POT1: variants seen among roughly 807,000 people sequenced by gnomAD.
POT1 encodes the protein protection of telomeres protein 1.
POT1 carries 47 observed loss-of-function variants against 78.5 expected under a neutral mutation model. That is an observed-to-expected ratio of 0.60 (90% confidence interval 0.47 to 0.76). The LOEUF (loss-of-function observed/expected upper bound fraction) is 0.76. POT1 is among the 30% of genes least tolerant of loss of function. The pLI is 0.00. For missense variants in POT1, 646 were observed against 749.9 expected (o/e 0.86, Z 1.62); for synonymous variants, 259 against 260.7 (o/e 0.99, Z 0.06).
At chr7:124,877,637 C>T (rs1255750319) in intron 6 of POT1, among the ~76,000 whole-genome samples, 1 of 151,650 alleles carries the variant, frequency 6.6e-6, no homozygotes, top group Non-Finnish European at 1.5e-5. Flanking sequence ...TCGAGACCAT[C>T]CTGGCTAACA....
chr7:124,825,374 G>T lies in POT1; in HGVS notation c.1687-17C>A. The stretch of plus-strand genomic sequence containing the variant: ...GAATTTGTCCTTAAAAATGTTTCAT[G>T]AGAGAAAAAAAAAGGAAATAATATT... On this transcript the variant is annotated splice_polypyrimidine_tract_variant and intron_variant, in intron 17 of 18. Coordinates refer to ENST00000357628, the MANE Select transcript of POT1 (RefSeq NM_015450.3). The T allele has an allele frequency of 6.7e-7, 1 of 1,486,514 alleles. No individual in the cohort carries two copies. Among genetic ancestry groups the T allele is most frequent in the Non-Finnish European group, 9.2e-7 (1 of 1,084,066 alleles). The allele number at this position is 1,486,514 out of a possible 1,614,324, so 92.1% of individuals were successfully genotyped here. A position where few individuals can be genotyped will look rare whatever the true frequency, so the allele number is the denominator to read the frequency against.
intron 8 of POT1, among the ~76,000 whole-genome samples, chr7:124,861,470 G>C (rs1202721433): frequency 6.6e-6 from 1 of 152,114 alleles, no homozygotes; most frequent in East Asian, 1.9e-4. Flanking sequence ...TTGTAAATTA[G>C]TTTAAGTTTC....
chr7:124,892,467 G>GT, intron 5 of POT1, 87 bp from the exon 6 acceptor site: 1 of 668,608 alleles, frequency 1.5e-6, no homozygotes, highest in Non-Finnish European at 2.3e-6. Context: ...GCAAATCCAT[G>GT]TAACTATTTT....
intron 6 of POT1, 61 bp downstream of exon 6, chr7:124,892,205 C>T (rs767993735): frequency 7.8e-6 from 8 of 1,029,918 alleles, no homozygotes; most frequent in East Asian, 2.8e-5. Flanking sequence ...CAGATGGAAC[C>T]GTGTTCCTAA....
At chr7:124,881,448 G>A (rs1385088460) in intron 6 of POT1, among the ~76,000 whole-genome samples, 2 of 151,650 alleles carry the variant, frequency 1.3e-5, no homozygotes, top group African/African-American at 4.8e-5. Flanking sequence ...GAGAACAAGT[G>A]GCATTTAAAA....
At chr7:124,887,419 T>G (rs1489451855) in intron 6 of POT1, among the ~76,000 whole-genome samples, 1 of 150,810 alleles carries the variant, frequency 6.6e-6, no homozygotes, top group African/African-American at 2.5e-5. Flanking sequence ...ACAGACTAGT[T>G]TTTTTTACAT....
chr7:124,926,827 G>T (rs1198759981), intron 2 of POT1, among the ~76,000 whole-genome samples: 1 of 152,044 alleles, frequency 6.6e-6, no homozygotes, highest in Non-Finnish European at 1.5e-5. Context: ...CTGAGACACA[G>T]AAAGAGAAAT....
At chr7:124,888,613 A>G (rs1431435080) in intron 6 of POT1, among the ~76,000 whole-genome samples, 3 of 152,030 alleles carry the variant, frequency 2.0e-5, no homozygotes, top group African/African-American at 7.2e-5. Context: ...GTACTTTGTA[A>G]TACTGCAATT....
intron 2 of POT1, among the ~76,000 whole-genome samples, chr7:124,923,888 C>T (rs1445971653): frequency 6.7e-6 from 1 of 149,954 alleles, no homozygotes; most frequent in Non-Finnish European, 1.5e-5. Flanking sequence ...TTTCCAAGTG[C>T]TCAAACAAAC....
chr7:124,882,112 T>C (rs1168336743), intron 6 of POT1, among the ~76,000 whole-genome samples: 1 of 151,972 alleles, frequency 6.6e-6, no homozygotes, highest in African/African-American at 2.4e-5. Flanking sequence ...GGAGTTTTAT[T>C]ATAAGGGAGA....
chr7:124,829,843 T>G (rs962754664), intron 15 of POT1, among the ~76,000 whole-genome samples: 1 of 151,984 alleles, frequency 6.6e-6, no homozygotes, highest in African/African-American at 2.4e-5. Flanking sequence ...AGAACCACAG[T>G]TGCACACCAC....
intron 3 of POT1, among the ~76,000 whole-genome samples, chr7:124,903,167 A>G (rs1199829722): frequency 1.3e-5 from 2 of 152,214 alleles, no homozygotes; most frequent in Non-Finnish European, 2.9e-5. Context: ...GCTCTGCACC[A>G]AGCGGACCTA....
intron 3 of POT1, among the ~76,000 whole-genome samples, chr7:124,902,161 A>G (rs1305492944): frequency 6.6e-6 from 1 of 152,172 alleles, no homozygotes; most frequent in Admixed American, 6.5e-5. Flanking sequence ...ATTCAAATTC[A>G]GGAAATACAG....
chr7:124,861,069 G>A (rs6466951), intron 8 of POT1, among the ~76,000 whole-genome samples: 48,315 of 151,996 alleles, frequency 0.32, 7,711 homozygotes, highest in South Asian at 0.4. Flanking sequence ...ATAAACATAC[G>A]TGTGCATGTG....
rs1000116937 is a variant in POT1 at position 124,888,859 on chromosome 7, T to C, written c.124+3407A>G. ...AGACAGTGTACTTAACCAATAAATA[T>C]GTGTATTCTAACTCCCCCATCAACC... On this transcript the variant is annotated intron_variant, in intron 6 of 18. Transcript: ENST00000357628. Among the ~76,000 whole-genome samples, 7 of 150,262 alleles carry C rather than the reference T, an allele frequency of 4.7e-5. No homozygotes were observed. In the South Asian group the frequency reaches 1.3e-3, roughly 27 times the overall value.
chr7:124,918,802 G>C (rs567207809), intron 2 of POT1, among the ~76,000 whole-genome samples: 1 of 152,056 alleles, frequency 6.6e-6, no homozygotes, highest in African/African-American at 2.4e-5. Context: ...TCCCTCTCTC[G>C]GGAGGGGTAA....
intron 11 of POT1, among the ~76,000 whole-genome samples, chr7:124,850,384 T>C (rs76399255): frequency 0.017 from 2,606 of 152,316 alleles, 73 homozygotes; most frequent in African/African-American, 0.059. Flanking sequence ...CAGTTTCCCA[T>C]TGTTTAAAGG....
chr7:124,868,933 T>A (rs1021317894), intron 7 of POT1, among the ~76,000 whole-genome samples: 1 of 151,884 alleles, frequency 6.6e-6, no homozygotes, highest in African/African-American at 2.4e-5. Flanking sequence ...AAAAATTCAA[T>A]TATATATTGA....
chr7:124,824,542 A>G (rs1208088124), intron 18 of POT1, among the ~76,000 whole-genome samples: 1 of 152,102 alleles, frequency 6.6e-6, no homozygotes, highest in African/African-American at 2.4e-5. Flanking sequence ...AACTATTATA[A>G]GATGCAAAGA....
Sources: allele counts gnomAD v4.1 joint callset (sites outside exome capture counted in the v4.1 genomes callset), GRCh38; gene constraint gnomAD v4.1.1; transcripts MANE v1.5; gene names NCBI Gene and HGNC (gene_info 2026-07-23, HGNC 2026-07-21).